SLX4IP: variants seen among roughly 807,000 people sequenced by gnomAD.
The protein encoded by SLX4IP is SLX4 interacting protein.
SLX4IP carries 34 observed loss-of-function variants against 32.9 expected under a neutral mutation model. The ratio of observed to expected loss-of-function variants is 1.03; its 90% confidence interval spans 0.79 to 1.38. The LOEUF is 1.38. Among genes scored for constraint, SLX4IP ranks in the 40% most tolerant of loss-of-function variants. SLX4IP has a pLI of 0.00. For missense variants in SLX4IP, 444 were observed against 479.0 expected (o/e 0.93, Z 0.68); for synonymous variants, 172 against 171.7 (o/e 1.00, Z -0.01).
chr20:10,605,006 T>G (rs929714798), intron 6 of SLX4IP, among the ~76,000 whole-genome samples: 1 of 152,224 alleles, frequency 6.6e-6, no homozygotes, highest in Admixed American at 6.5e-5. Flanking sequence ...TTGATTGCGC[T>G]CAGCTACATT....
intron 1 of SLX4IP, among the ~76,000 whole-genome samples, chr20:10,439,979 T>C (rs918988411): frequency 3.3e-5 from 5 of 152,240 alleles, no homozygotes; most frequent in Admixed American, 6.5e-5. Flanking sequence ...TATTTTAGTA[T>C]TGACGTTTTG....
At chr20:10,592,346 AC>A (rs35251948) in intron 4 of SLX4IP, among the ~76,000 whole-genome samples, 57,158 of 144,382 alleles carry the variant, frequency 0.4, 11,338 homozygotes, top group South Asian at 0.53. Context: ...CCTTTCTCCA[AC>A]CCCCCCCCAT....
chr20:10,576,704 G>A (rs1352676179), intron 4 of SLX4IP, among the ~76,000 whole-genome samples: 2 of 152,124 alleles, frequency 1.3e-5, no homozygotes, highest in South Asian at 4.1e-4. Context: ...ATGTGTCCAA[G>A]TAAATGTGTA....
intron 2 of SLX4IP, among the ~76,000 whole-genome samples, chr20:10,506,334 G>A (rs1380003410): frequency 6.6e-6 from 1 of 152,178 alleles, no homozygotes; most frequent in Non-Finnish European, 1.5e-5. Flanking sequence ...GGGAAGCAAA[G>A]GAAAATGGGT....
At chr20:10,600,650 C>T (rs2066830500) in intron 5 of SLX4IP, among the ~76,000 whole-genome samples, 1 of 152,102 alleles carries the variant, frequency 6.6e-6, no homozygotes, top group African/African-American at 2.4e-5. Context: ...CCAAGCGGTG[C>T]ATCAAATTGA....
At chr20:10,543,117 A>G (rs926682353) in intron 2 of SLX4IP, among the ~76,000 whole-genome samples, 1 of 152,184 alleles carries the variant, frequency 6.6e-6, no homozygotes, top group African/African-American at 2.4e-5. Context: ...TCATTTGTTC[A>G]TAGATTCATT....
chr20:10,617,296 C>G (rs1455326697), intron 6 of SLX4IP, among the ~76,000 whole-genome samples: 1 of 152,204 alleles, frequency 6.6e-6, no homozygotes, highest in Admixed American at 6.5e-5. Context: ...CGCCCCATCC[C>G]AGATCTTGTG....
intron 2 of SLX4IP, among the ~76,000 whole-genome samples, chr20:10,536,023 C>T (rs1445183019): frequency 6.6e-6 from 1 of 152,168 alleles, no homozygotes; most frequent in East Asian, 1.9e-4. Context: ...GCGCCGGAGA[C>T]TCCACCAAGG....
At chr20:10,567,162 T>G (rs1287950508) in intron 4 of SLX4IP, among the ~76,000 whole-genome samples, 1 of 152,106 alleles carries the variant, frequency 6.6e-6, no homozygotes, top group East Asian at 1.9e-4. Flanking sequence ...AGCAGGTACT[T>G]TGGCAGCTAG....
At chr20:10,513,066 C>T (rs1483986831) in intron 2 of SLX4IP, among the ~76,000 whole-genome samples, 2 of 152,104 alleles carry the variant, frequency 1.3e-5, no homozygotes, top group East Asian at 3.9e-4. Context: ...TCTATCCTGT[C>T]CTAGTCCAGG....
rs377117200 is a variant in SLX4IP at position 10,439,260 on chromosome 20, G to C, written c.-30+3807G>C. Among the ~76,000 whole-genome samples, 5 of 152,024 alleles carry C rather than the reference G, an allele frequency of 3.3e-5. No homozygotes were observed. In the South Asian group the frequency reaches 1.0e-3, roughly 32 times the overall value. ...GACTGGGTCCCACTCTCAGGCTGGA[G>C]TGCAGTGGTATGATCTCAGCTCGCT... is the stretch of plus-strand genomic sequence containing the variant. On this transcript the variant is annotated intron_variant, in intron 1 of 7. Transcript: ENST00000334534.
At chr20:10,479,059 G>A (rs1728817648) in intron 2 of SLX4IP, among the ~76,000 whole-genome samples, 2 of 152,238 alleles carry the variant, frequency 1.3e-5, no homozygotes, top group Admixed American at 6.5e-5. Flanking sequence ...TCAGGCCTCT[G>A]CCCAGATTCG....
At chr20:10,481,849 A>G (rs1306470441) in intron 2 of SLX4IP, among the ~76,000 whole-genome samples, 1 of 152,044 alleles carries the variant, frequency 6.6e-6, no homozygotes, top group East Asian at 1.9e-4. Context: ...GGGAGGATCT[A>G]TTTCTAAGTT....
chr20:10,493,129 A>T (rs890882086), intron 2 of SLX4IP, among the ~76,000 whole-genome samples: 2 of 152,138 alleles, frequency 1.3e-5, no homozygotes, highest in African/African-American at 4.8e-5. Context: ...TAGCAGAACA[A>T]ATCTTTCTAC....
chr20:10,442,606 C>T (rs529899985), intron 1 of SLX4IP, among the ~76,000 whole-genome samples: 1 of 152,342 alleles, frequency 6.6e-6, no homozygotes, highest in Non-Finnish European at 1.5e-5. Context: ...GGTTGTCCTA[C>T]ACTTCTTAAA....
intron 4 of SLX4IP, among the ~76,000 whole-genome samples, chr20:10,566,085 T>G (rs1440089655): frequency 6.6e-6 from 1 of 152,178 alleles, no homozygotes; most frequent in African/African-American, 2.4e-5. Flanking sequence ...AACTGTGAAA[T>G]AAGTAGTTGA....
rs888481098 is a variant in SLX4IP at position 10,446,400 on chromosome 20, C to T, written c.-30+10947C>T. On this transcript the variant is annotated intron_variant, in intron 1 of 7. Transcript: ENST00000334534. ...GCACTACAGCCTGGGCAACAGAGTG[C>T]GACTCTGTCTCAAAAAAAAAAAAAA... Among the ~76,000 whole-genome samples, 6 of 128,438 alleles carry T rather than the reference C, an allele frequency of 4.7e-5. No individual in the cohort carries two copies. The East Asian group carries it at 6.3e-4, about 13-fold the overall frequency. The allele number at this position is 128,438 out of a possible 152,430, so 84.3% of individuals were successfully genotyped here. A position where few individuals can be genotyped will look rare whatever the true frequency, so the allele number is the denominator to read the frequency against.
At chr20:10,592,610 C>G (rs534873442) in intron 4 of SLX4IP, among the ~76,000 whole-genome samples, 1 of 142,192 alleles carries the variant, frequency 7.0e-6, no homozygotes, top group African/African-American at 2.6e-5. Context: ...TGAAAGCACA[C>G]GTATTCTTCA....
At chr20:10,462,295 T>C (rs1246673974) in intron 2 of SLX4IP, among the ~76,000 whole-genome samples, 1 of 152,220 alleles carries the variant, frequency 6.6e-6, no homozygotes, top group Non-Finnish European at 1.5e-5. Flanking sequence ...TACAATTTAC[T>C]GGAAGTGGAG....
Sources: allele counts gnomAD v4.1 joint callset (sites outside exome capture counted in the v4.1 genomes callset), GRCh38; gene constraint gnomAD v4.1.1; transcripts MANE v1.5; gene names NCBI Gene and HGNC (gene_info 2026-07-23, HGNC 2026-07-21).